The following KIAA1217 variants were observed in gnomAD, a reference collection of about 807,000 sequenced individuals.
The protein encoded by KIAA1217 is sickle tail protein homolog.
In KIAA1217, 88 loss-of-function variants were observed where a neutral mutation model predicts 163.9. That is an observed-to-expected ratio of 0.54 (90% CI 0.45 to 0.64). The LOEUF (loss-of-function observed/expected upper bound fraction) is 0.64. Ranked by LOEUF, KIAA1217 falls within the 30% of genes least tolerant of loss-of-function variation. KIAA1217 has a pLI of 0.00. For synonymous variants in KIAA1217, 903 were observed against 923.1 expected (o/e 0.98, Z 0.39); for missense variants, 2,372 against 2,475.0 (o/e 0.96, Z 0.88).
At chr10:24,437,214 C>T (rs528130410) in intron 4 of KIAA1217, among the ~76,000 whole-genome samples, 2 of 152,334 alleles carry the variant, frequency 1.3e-5, no homozygotes, top group East Asian at 3.9e-4. Context: ...ACCCCACATC[C>T]TTACCTCTGT....
chr10:24,044,536 G>A (rs1848851707), intron 2 of KIAA1217, among the ~76,000 whole-genome samples: 1 of 151,902 alleles, frequency 6.6e-6, no homozygotes, highest in Admixed American at 6.6e-5. Context: ...CCCATTTAGT[G>A]TATTTCTTAG....
chr10:24,375,694 T>A (rs554999251), intron 2 of KIAA1217, among the ~76,000 whole-genome samples: 4 of 152,356 alleles, frequency 2.6e-5, no homozygotes, highest in Non-Finnish European at 5.9e-5. Context: ...TACATTTGCA[T>A]GTGGAAAACT....
At chr10:24,537,874 C>T (rs1396560562) in intron 17 of KIAA1217, among the ~76,000 whole-genome samples, 1 of 152,178 alleles carries the variant, frequency 6.6e-6, no homozygotes, top group African/African-American at 2.4e-5. Flanking sequence ...AGGGAAACGA[C>T]CATAGCCTGA....
chr10:24,170,076 C>T (rs1167607610), intron 2 of KIAA1217, among the ~76,000 whole-genome samples: 1 of 152,170 alleles, frequency 6.6e-6, no homozygotes, highest in Non-Finnish European at 1.5e-5. Context: ...AGTAAAGACA[C>T]TATTGGTTGT....
chr10:24,361,170 AT>A (rs34211302), intron 2 of KIAA1217, among the ~76,000 whole-genome samples: 5 of 150,840 alleles, frequency 3.3e-5, no homozygotes, highest in Admixed American at 2.6e-4. Flanking sequence ...AGCACATGCC[AT>A]TTTTTTTTCT....
chr10:24,043,420 C>T (rs760420567), intron 2 of KIAA1217, among the ~76,000 whole-genome samples: 1 of 152,060 alleles, frequency 6.6e-6, no homozygotes, highest in Non-Finnish European at 1.5e-5. Flanking sequence ...AACAAATACG[C>T]AATGATATAC....
At chr10:24,153,801 G>A (rs1183328730) in intron 2 of KIAA1217, among the ~76,000 whole-genome samples, 2 of 152,154 alleles carry the variant, frequency 1.3e-5, no homozygotes, top group African/African-American at 2.4e-5. Context: ...CAAAGCCTTA[G>A]TTTGTTCATC....
intron 2 of KIAA1217, among the ~76,000 whole-genome samples, chr10:24,254,519 T>C (rs939534177): frequency 6.6e-6 from 1 of 152,224 alleles, no homozygotes; most frequent in Non-Finnish European, 1.5e-5. Flanking sequence ...GCATGTCCTC[T>C]GGGTGGTTCC....
chr10:23,724,773 T>C (rs901841574), intron 1 of KIAA1217, among the ~76,000 whole-genome samples: 3 of 152,200 alleles, frequency 2.0e-5, no homozygotes, highest in East Asian at 3.8e-4. Context: ...TTTATTTCCC[T>C]CCATAATAGG....
chr10:23,963,147 G>A (rs577143230), intron 1 of KIAA1217, among the ~76,000 whole-genome samples: 1 of 152,120 alleles, frequency 6.6e-6, no homozygotes, highest in Non-Finnish European at 1.5e-5. Context: ...TTAAGTTTTG[G>A]GATACGTGTG....
At chr10:24,284,715 CT>C (rs2132301336) in intron 2 of KIAA1217, among the ~76,000 whole-genome samples, 1 of 152,220 alleles carries the variant, frequency 6.6e-6, no homozygotes, top group African/African-American at 2.4e-5. Context: ...GTGCAGGTGT[CT>C]TTTTGGTAGA....
At chr10:23,826,807 A>G (rs1232404521) in intron 1 of KIAA1217, among the ~76,000 whole-genome samples, 2 of 152,070 alleles carry the variant, frequency 1.3e-5, no homozygotes, top group Admixed American at 6.6e-5. Flanking sequence ...AACTCCCCAC[A>G]TGCAATGTTC....
At chr10:24,285,054 C>T (rs1262329894) in intron 2 of KIAA1217, among the ~76,000 whole-genome samples, 1 of 151,896 alleles carries the variant, frequency 6.6e-6, no homozygotes, top group African/African-American at 2.4e-5. Flanking sequence ...TGTCTGTTGA[C>T]GTCTTTTGCT....
chr10:24,329,619 G>A (rs1175239811), intron 2 of KIAA1217, among the ~76,000 whole-genome samples: 1 of 152,096 alleles, frequency 6.6e-6, no homozygotes, highest in African/African-American at 2.4e-5. Context: ...TAACTACTCG[G>A]AACCTAGATG....
At chr10:24,385,898 C>G (rs2053943106) in intron 3 of KIAA1217, among the ~76,000 whole-genome samples, 3 of 152,116 alleles carry the variant, frequency 2.0e-5, no homozygotes. Context: ...GAGTAGTTTC[C>G]TTTTAATCAT....
intron 2 of KIAA1217, among the ~76,000 whole-genome samples, chr10:24,194,795 A>G (rs2130488800): frequency 7.0e-6 from 1 of 143,880 alleles, no homozygotes. Flanking sequence ...TTTAGAGAGA[A>G]GAGTCTCAGT....
rs2063288560 is a variant in KIAA1217, at chr10:24,469,610, T to C, written c.847-3618T>C. 2.6e-5 allele frequency among the ~76,000 whole-genome samples: 4 copies of C among 152,236 alleles called. 1 individual carries two copies. Among genetic ancestry groups the C allele is most frequent in the Admixed American group, 2.6e-4 (4 of 15,292 alleles). Reference sequence around the variant, plus strand: ...CATACCAAGAGGGTTCTAGATATTATATTGATTGATTGATTGATTGAGACA... The same window carrying C: ...CATACCAAGAGGGTTCTAGATATTACATTGATTGATTGATTGATTGAGACA... On this transcript the variant is annotated intron_variant, in intron 5 of 20. Transcript: ENST00000376454.
intron 1 of KIAA1217, among the ~76,000 whole-genome samples, chr10:24,218,455 C>T (rs1004056844): frequency 1.3e-5 from 2 of 151,870 alleles, no homozygotes; most frequent in Non-Finnish European, 2.9e-5. Context: ...TAAAATTTGT[C>T]TAAGCCTTTA....
intron 1 of KIAA1217, among the ~76,000 whole-genome samples, chr10:23,724,961 C>T (rs1201790309): frequency 2.6e-5 from 4 of 152,140 alleles, no homozygotes; most frequent in Non-Finnish European, 5.9e-5. Flanking sequence ...CAGTCCAAGC[C>T]TGCCAGCTGC....
Sources: gnomAD v4.1 joint callset for allele counts (sites outside exome capture counted in the v4.1 genomes callset) on GRCh38, gnomAD v4.1.1 for gene constraint, MANE v1.5 for transcripts, NCBI Gene and HGNC (gene_info 2026-07-23, HGNC 2026-07-21) for gene names.